Variants in CCT6B observed in about 807,000 individuals in gnomAD.
The protein encoded by CCT6B is chaperonin containing TCP1 subunit 6B.
In CCT6B, 49 loss-of-function variants were observed where a neutral mutation model predicts 61.5. The observed-to-expected ratio is 0.80, with a 90% confidence interval of 0.63 to 1.01. The LOEUF is 1.01. Ranked by LOEUF, CCT6B falls within the 50% of genes least tolerant of loss-of-function variation. CCT6B has a pLI of 0.00. For missense variants in CCT6B, 666 were observed against 634.7 expected (o/e 1.05, Z -0.53); for synonymous variants, 228 against 214.5 (o/e 1.06, Z -0.55).
At chr17:34,948,713 T>TCAAAAAAAAA (rs796140518) in intron 5 of CCT6B, among the ~76,000 whole-genome samples, 1 of 75,340 alleles carries the variant, frequency 1.3e-5, no homozygotes. Context: ...AAACTCCATC[T>TCAAAAAAAAA]AAAAAAAAAA....
rs1567670625 is a variant in CCT6B at position 34,949,095 on chromosome 17, G to GAAAAGAAAA, written c.614+2854_614+2855insTTTTCTTTT. ...GGGAGGGGAGGGGAGGGGAGGGGAG[G>GAAAAGAAAA]GAAAAGAAAAGAGAAAAGAAAAGAA... On this transcript the variant is annotated intron_variant, in intron 5 of 13. Coordinates refer to ENST00000314144, the MANE Select transcript of CCT6B (RefSeq NM_006584.4). Among the ~76,000 whole-genome samples, 8 of 86,360 alleles carry GAAAAGAAAA rather than the reference G, an allele frequency of 9.3e-5. 1 individual carries two copies. The highest frequency in any genetic ancestry group is 9.8e-5 in the African/African-American group (2 of 20,334). The allele number at this position is 86,360 out of a possible 152,430, so 56.7% of individuals were successfully genotyped here.
At position 34,959,583 on chromosome 17, in the gene CCT6B, T is replaced by C; in HGVS notation, c.201+4A>G. On this transcript the variant is annotated splice_donor_region_variant and intron_variant, in intron 2 of 13. Coordinates refer to ENST00000314144, the MANE Select transcript of CCT6B (RefSeq NM_006584.4). ...GTTTATTAAAGTCAGCAGCATCAGCTCACCATCTCATCGAGCAGCACATTG... is the reference window on the plus strand; with the variant it reads ...GTTTATTAAAGTCAGCAGCATCAGCCCACCATCTCATCGAGCAGCACATTG... 6.2e-7 allele frequency: 1 copy of C among 1,607,210 alleles called. No homozygotes were observed. The highest frequency in any genetic ancestry group is 8.5e-7 in the Non-Finnish European group (1 of 1,173,694).
chr17:34,958,642 T>C lies in CCT6B; in HGVS notation c.254A>G (p.Asp85Gly), dbSNP rs368776322. 5.6e-6 allele frequency: 9 copies of C among 1,603,740 alleles called. No individual in the cohort carries two copies. The highest frequency in any genetic ancestry group is 4.0e-5 in the African/African-American group (3 of 74,654). Residue 85 changes from aspartate to glycine, a missense_variant, in exon 3 of 14, where the codon GAT becomes GGT. Physicochemically the swap from Asp to Gly is moderately conservative, Grantham distance 94 (BLOSUM62 -1). Coordinates refer to ENST00000314144, the MANE Select transcript of CCT6B (RefSeq NM_006584.4). Reference sequence around the variant, plus strand: ...AGTAGTACCATCTCCTGTGACGTCATCCTGAGCTGTTGCTACTTTTGCTAT... The same window carrying C: ...AGTAGTACCATCTCCTGTGACGTCACCCTGAGCTGTTGCTACTTTTGCTAT... The part of the protein sequence containing the change: ...SLIAKVATAQ[D>G]DVTGDGTTSN...
Position 34,937,390 on chromosome 17 carries a change from G to GA in CCT6B, c.1213+1792dup, listed in dbSNP as rs1404009489. Among the ~76,000 whole-genome samples, 6 of 152,110 alleles carry GA rather than the reference G, an allele frequency of 3.9e-5. No individual in the cohort carries two copies. The East Asian group carries it at 1.2e-3, about 29-fold the overall frequency. ...AATAGACAAATGCATCAGTAGGACA[G>GA]AAAAAAGAGCACAGAAATAGAACCA... is the stretch of plus-strand genomic sequence containing the variant. On this transcript the variant is annotated intron_variant, in intron 10 of 13. Coordinates refer to ENST00000314144, the MANE Select transcript of CCT6B (RefSeq NM_006584.4).
At chr17:34,943,447 T>C (rs1212913491) in intron 5 of CCT6B, 1 of 152,194 alleles carries the variant, frequency 6.6e-6, no homozygotes, top group Non-Finnish European at 1.5e-5. Flanking sequence ...ATTCAGCAAA[T>C]AATGACCCAA....
chr17:34,932,938 C>T (rs925896982), intron 10 of CCT6B, among the ~76,000 whole-genome samples: 2 of 152,106 alleles, frequency 1.3e-5, no homozygotes, highest in African/African-American at 4.8e-5. Flanking sequence ...TGCACCACCA[C>T]ACCCAGCTAA....
chr17:34,939,448 TAA>T, intron 9 of CCT6B, 118 bp from the exon 10 acceptor site: 1 of 916,856 alleles, frequency 1.1e-6, no homozygotes, highest in Non-Finnish European at 1.7e-6. Flanking sequence ...CTAAGGGAGT[TAA>T]GTTATATCTG....
chr17:34,940,980 T>G (rs1264672775), intron 7 of CCT6B, among the ~76,000 whole-genome samples: 1 of 152,162 alleles, frequency 6.6e-6, no homozygotes, highest in Non-Finnish European at 1.5e-5. Flanking sequence ...TCATATCTCA[T>G]TCAGTATTCA....
intron 10 of CCT6B, among the ~76,000 whole-genome samples, chr17:34,937,535 T>C (rs2090108587): frequency 6.6e-6 from 1 of 152,164 alleles, no homozygotes; most frequent in African/African-American, 2.4e-5. Context: ...AAAATGAACT[T>C]GTATCCATAC....
At chr17:34,951,129 G>A (rs2090287065) in intron 5 of CCT6B, among the ~76,000 whole-genome samples, 1 of 152,160 alleles carries the variant, frequency 6.6e-6, no homozygotes, top group African/African-American at 2.4e-5. Flanking sequence ...TATACAGACT[G>A]TGCGTAGATC....
At chr17:34,931,093 A>G in intron 11 of CCT6B, 42 bp from the exon 12 acceptor site, 2 of 640,790 alleles carry the variant, frequency 3.1e-6, no homozygotes, top group Non-Finnish European at 4.6e-6. Context: ...ATATATATGC[A>G]TAATACCTTC....
intron 9 of CCT6B, 114 bp from the exon 10 acceptor site, chr17:34,939,444 G>T: frequency 1.1e-6 from 1 of 934,726 alleles, no homozygotes; most frequent in South Asian, 1.7e-5. Flanking sequence ...ATAACTAAGG[G>T]AGTTAAGTTA....
intron 5 of CCT6B, among the ~76,000 whole-genome samples, chr17:34,947,969 C>T (rs2142164226): frequency 6.7e-6 from 1 of 149,062 alleles, no homozygotes; most frequent in African/African-American, 2.5e-5. Context: ...GAGTGACACT[C>T]CGTCTCAAAA....
At chr17:34,939,414 T>C (rs2090133721) in intron 9 of CCT6B, 84 bp from the exon 10 acceptor site, 2 of 1,194,606 alleles carry the variant, frequency 1.7e-6, no homozygotes, top group Non-Finnish European at 1.2e-6. Context: ...CAATCTTCAT[T>C]TGAATTTTTC....
Position 34,939,171 on chromosome 17 carries a change from G to C in CCT6B, c.1213+12C>G, listed in dbSNP as rs757191273. 2.5e-6 allele frequency: 4 copies of C among 1,611,434 alleles called. No individual in the cohort carries two copies. Among genetic ancestry groups the C allele is most frequent in the Non-Finnish European group, 3.4e-6 (4 of 1,178,004 alleles). On this transcript the variant is annotated intron_variant, in intron 10 of 13. Transcript: ENST00000314144. ...TACATGAGGTTCATATCAATCACAA[G>C]AAAGAGCTTACCATCTTCAATGGCA...
chr17:34,961,197 G>C, intron 1 of CCT6B, 60 bp downstream of exon 1: 1 of 1,537,234 alleles, frequency 6.5e-7, no homozygotes, highest in Non-Finnish European at 8.8e-7. Flanking sequence ...CTGCCTCAGA[G>C]GGCGACAGGA....
At chr17:34,953,318 AATATATAT>A (rs757786280) in intron 4 of CCT6B, among the ~76,000 whole-genome samples, 8 of 141,130 alleles carry the variant, frequency 5.7e-5, no homozygotes, top group African/African-American at 1.8e-4. Context: ...CTTTATATAA[AATATATAT>A]ATATATATAT....
Position 34,942,818 on chromosome 17 carries a change from C to G in CCT6B, c.703G>C (p.Val235Leu). The change falls in exon 6 of 14, where the codon GTT becomes CTT. Residue 235 changes from valine to leucine, a missense_variant. Coordinates refer to ENST00000314144, the MANE Select transcript of CCT6B (RefSeq NM_006584.4). ...VEDAFILICNVSLEYEKTEVN... is the reference protein window; with the variant it reads ...VEDAFILICNLSLEYEKTEVN... ...CACGTTTTTTCATATTCCAGTGAAA[C>G]GTTGCAAATAAGGATAAATGCATCT... 6.2e-7 allele frequency: 1 copy of G among 1,605,808 alleles called. No individual in the cohort carries two copies. Among genetic ancestry groups the G allele is most frequent in the Non-Finnish European group, 8.5e-7 (1 of 1,175,466 alleles).
chr17:34,943,630 G>C (rs1597748603), intron 5 of CCT6B: 1 of 152,094 alleles, frequency 6.6e-6, no homozygotes, highest in East Asian at 1.9e-4. Flanking sequence ...GGGGGAAGCG[G>C]GGAGGGATAG....
Sources: allele counts gnomAD v4.1 joint callset (sites outside exome capture counted in the v4.1 genomes callset), GRCh38; gene constraint gnomAD v4.1.1; transcripts MANE v1.5; gene names NCBI Gene and HGNC (gene_info 2026-07-23, HGNC 2026-07-21).